The following CHRM2 variants were observed in gnomAD, a reference collection of about 807,000 sequenced individuals.
CHRM2 encodes the protein muscarinic acetylcholine receptor M2.
CHRM2 carries 8 observed loss-of-function variants against 25.0 expected under a neutral mutation model. The observed-to-expected ratio is 0.32, with a 90% CI of 0.19 to 0.58. The LOEUF is 0.58. CHRM2 is among the 20% of genes least tolerant of loss of function. The probability of loss-of-function intolerance (pLI) is 0.88; values close to 1 mark genes in which losing one functional copy is unlikely to be tolerated. For synonymous variants in CHRM2, 202 were observed against 205.7 expected (o/e 0.98, Z 0.15); for missense variants, 440 against 567.1 (o/e 0.78, Z 2.28).
chr7:136,917,423 G>C (rs1584752418), intron 2 of CHRM2, among the ~76,000 whole-genome samples: 3 of 152,078 alleles, frequency 2.0e-5, no homozygotes, highest in Admixed American at 2.0e-4. Flanking sequence ...ACATATTACT[G>C]CTTGATCCAC....
At chr7:136,974,210 T>C (rs1801968747) in intron 2 of CHRM2, among the ~76,000 whole-genome samples, 1 of 152,176 alleles carries the variant, frequency 6.6e-6, no homozygotes, top group African/African-American at 2.4e-5. Context: ...GAGAGGGATA[T>C]CATGATCATT....
At chr7:136,902,318 G>GCTTTCAGAATTA (rs1797270253) in intron 2 of CHRM2, 1 of 151,802 alleles carries the variant, frequency 6.6e-6, no homozygotes, top group Non-Finnish European at 1.5e-5. Flanking sequence ...AATCAGAATT[G>GCTTTCAGAATTA]CTTTCAGAAT....
In CHRM2 at chr7:136,901,325, G is replaced by C. The variant is rs368287616; in HGVS notation, c.-125+31907G>C. 3.9e-5 allele frequency among the ~76,000 whole-genome samples: 6 copies of C among 152,094 alleles called. No homozygotes were observed. In the East Asian group the frequency reaches 5.8e-4, roughly 15 times the overall value. ...GCTGCATTCCAGCTAGAAACAGATT[G>C]AGACAGTTCAGATTCACAGGCACTT... On this transcript the variant is annotated intron_variant, in intron 2 of 3. Transcript: ENST00000680005.
intron 2 of CHRM2, among the ~76,000 whole-genome samples, chr7:136,879,239 G>A (rs1796166535): frequency 6.6e-6 from 1 of 151,900 alleles, no homozygotes. Context: ...CATTTCTGTT[G>A]ATTAGGAGAA....
In CHRM2 at chr7:137,019,205, A is replaced by G. The variant is rs1363712940; in HGVS notation, c.*2939A>G. 2.0e-5 allele frequency: 3 copies of G among 151,912 alleles called. No homozygotes were observed. The highest frequency in any genetic ancestry group is 1.3e-4 in the Admixed American group (2 of 15,214). The allele number at this position is 151,912 out of a possible 1,614,324, so 9.4% of individuals were successfully genotyped here. Reference sequence around the variant, plus strand: ...ACCCTGCATTATTTTTAGAATATCAATGCAAATTCCTCACCTGTTAGAAAA... The same window carrying G: ...ACCCTGCATTATTTTTAGAATATCAGTGCAAATTCCTCACCTGTTAGAAAA... On this transcript the variant is annotated 3_prime_UTR_variant, in exon 4 of 4. Transcript: ENST00000680005.
intron 2 of CHRM2, among the ~76,000 whole-genome samples, chr7:136,922,679 C>A (rs915234512): frequency 1.3e-5 from 2 of 152,294 alleles, no homozygotes; most frequent in South Asian, 2.1e-4. Flanking sequence ...GGCAACTTAT[C>A]TTTTAATTGA....
chr7:136,977,190 C>T (rs963492567), intron 2 of CHRM2, among the ~76,000 whole-genome samples: 19 of 152,186 alleles, frequency 1.2e-4, no homozygotes, highest in African/African-American at 4.1e-4. Context: ...AGCTTCCTTA[C>T]CCACATGATT....
intron 2 of CHRM2, among the ~76,000 whole-genome samples, chr7:136,948,521 A>C (rs971430648): frequency 6.6e-6 from 1 of 152,154 alleles, no homozygotes; most frequent in African/African-American, 2.4e-5. Flanking sequence ...GAGGACATTT[A>C]AGTCAACCAA....
At chr7:136,908,258 A>C (rs935220420) in intron 2 of CHRM2, among the ~76,000 whole-genome samples, 2 of 151,952 alleles carry the variant, frequency 1.3e-5, no homozygotes, top group Admixed American at 6.6e-5. Context: ...CTTCTTAAGT[A>C]AAATGAGTCT....
At chr7:136,971,978 A>C (rs958589625) in intron 2 of CHRM2, among the ~76,000 whole-genome samples, 1 of 152,192 alleles carries the variant, frequency 6.6e-6, no homozygotes, top group Non-Finnish European at 1.5e-5. Context: ...AACTATTTGA[A>C]AACTACTGCT....
chr7:136,973,294 T>C (rs376676714), intron 2 of CHRM2, among the ~76,000 whole-genome samples: 13 of 103,884 alleles, frequency 1.3e-4, no homozygotes, highest in East Asian at 3.4e-4. Context: ...TGGCAGGTGA[T>C]GATGGTGACG....
chr7:136,930,166 CT>C (rs1403337616), intron 2 of CHRM2, among the ~76,000 whole-genome samples: 5 of 152,244 alleles, frequency 3.3e-5, no homozygotes, highest in Admixed American at 3.3e-4. Flanking sequence ...GGCATGGTGG[CT>C]CACACCAGTA....
chr7:137,009,458 C>T (rs184691811), intron 3 of CHRM2, among the ~76,000 whole-genome samples: 1 of 152,064 alleles, frequency 6.6e-6, no homozygotes, highest in African/African-American at 2.4e-5. Context: ...TTACTGACTC[C>T]CTAGCTTATT....
intron 3 of CHRM2, among the ~76,000 whole-genome samples, chr7:136,994,287 A>C (rs146657322): frequency 6.6e-6 from 1 of 152,210 alleles, no homozygotes; most frequent in Non-Finnish European, 1.5e-5. Flanking sequence ...TTTTGTATCC[A>C]TGCTTACTGC....
chr7:136,971,756 T>C (rs1445587005), intron 2 of CHRM2, among the ~76,000 whole-genome samples: 1 of 151,864 alleles, frequency 6.6e-6, no homozygotes, highest in Non-Finnish European at 1.5e-5. Context: ...TAAAAGCACA[T>C]GGTGATTCTG....
At chr7:136,915,834 T>C (rs1798073744) in intron 2 of CHRM2, among the ~76,000 whole-genome samples, 1 of 151,414 alleles carries the variant, frequency 6.6e-6, no homozygotes, top group Non-Finnish European at 1.5e-5. Flanking sequence ...GTTTTCCAAA[T>C]CAGGAAGCAT....
Position 137,013,140 on chromosome 7 carries a change from C to T in CHRM2, c.-46-1680C>T, listed in dbSNP as rs567572058. Among the ~76,000 whole-genome samples, 197 of 151,958 alleles carry T rather than the reference C, an allele frequency of 1.3e-3. 4 individuals are homozygous for T. In the South Asian group the frequency reaches 0.038, roughly 29 times the overall value. ...TTAAAGACATTGGATAATTTTCTAT[C>T]GTGCAATTTACAAATATTGTTTCTC... On this transcript the variant is annotated intron_variant, in intron 3 of 3. Transcript: ENST00000680005.
At chr7:136,926,168 C>T (rs1241252228) in intron 2 of CHRM2, among the ~76,000 whole-genome samples, 4 of 151,634 alleles carry the variant, frequency 2.6e-5, no homozygotes, top group East Asian at 1.9e-4. Flanking sequence ...CCTGGGAGGT[C>T]GAGGCTACAG....
At chr7:136,997,778 A>G (rs1269058040) in intron 3 of CHRM2, among the ~76,000 whole-genome samples, 1 of 152,224 alleles carries the variant, frequency 6.6e-6, no homozygotes, top group Non-Finnish European at 1.5e-5. Context: ...AGCATGTCTG[A>G]AACATGCCCT....
Sources: gnomAD v4.1 joint callset for allele counts (sites outside exome capture counted in the v4.1 genomes callset) on GRCh38, gnomAD v4.1.1 for gene constraint, MANE v1.5 for transcripts, NCBI Gene and HGNC (gene_info 2026-07-23, HGNC 2026-07-21) for gene names.